FRAS1: variants seen among roughly 807,000 people sequenced by gnomAD.
FRAS1 encodes Fraser extracellular matrix complex subunit 1, also known as extracellular matrix organizing protein FRAS1.
Under a neutral mutation model 435.2 loss-of-function variants are expected in FRAS1, and 290 were observed. The observed-to-expected ratio is 0.67, with a 90% CI of 0.61 to 0.73. The LOEUF (loss-of-function observed/expected upper bound fraction) is 0.73. Ranked by LOEUF, FRAS1 falls within the 30% of genes least tolerant of loss-of-function variation. The pLI is 0.00. For missense variants in FRAS1, 4,860 were observed against 5,001.5 expected, an observed-to-expected ratio of 0.97 and a Z score of 0.85; for synonymous variants, 1,800 against 1,851.0, an observed-to-expected ratio of 0.97 and a Z score of 0.71.
intron 35 of FRAS1, among the ~76,000 whole-genome samples, chr4:78,426,880 C>A (rs1198287044): frequency 1.3e-5 from 2 of 152,184 alleles, no homozygotes; most frequent in African/African-American, 4.8e-5. Context: ...CAGAAAATAG[C>A]TTTTTTCCAC....
intron 12 of FRAS1, among the ~76,000 whole-genome samples, chr4:78,284,164 G>A (rs1727463126): frequency 6.6e-6 from 1 of 150,826 alleles, no homozygotes; most frequent in Non-Finnish European, 1.5e-5. Context: ...TTCATGCTGG[G>A]GCTATGGGAG....
At chr4:78,398,701 T>C (rs929696885) in intron 29 of FRAS1, among the ~76,000 whole-genome samples, 2 of 152,170 alleles carry the variant, frequency 1.3e-5, no homozygotes, top group African/African-American at 4.8e-5. Context: ...TTAAGAAACC[T>C]GGGCCGGGCA....
At chr4:78,289,535 G>T (rs1727783984) in intron 14 of FRAS1, among the ~76,000 whole-genome samples, 1 of 151,992 alleles carries the variant, frequency 6.6e-6, no homozygotes, top group South Asian at 2.1e-4. Flanking sequence ...AGCAGGTAGG[G>T]CCATAGAGTG....
intron 2 of FRAS1, among the ~76,000 whole-genome samples, chr4:78,159,933 C>G (rs943942490): frequency 1.3e-5 from 2 of 152,078 alleles, no homozygotes; most frequent in South Asian, 4.1e-4. Context: ...CACGATTATT[C>G]CTATATCTTA....
At chr4:78,207,589 C>T (rs1723316561) in intron 2 of FRAS1, among the ~76,000 whole-genome samples, 1 of 152,144 alleles carries the variant, frequency 6.6e-6, no homozygotes, top group African/African-American at 2.4e-5. Flanking sequence ...ATAATCCTCC[C>T]AGTCATCTGT....
At chr4:78,083,168 G>A (rs186444551) in intron 2 of FRAS1, among the ~76,000 whole-genome samples, 2 of 152,052 alleles carry the variant, frequency 1.3e-5, no homozygotes, top group Admixed American at 1.3e-4. Context: ...ATGCTGCAGG[G>A]GTATGGTGCT....
intron 70 of FRAS1, among the ~76,000 whole-genome samples, chr4:78,529,662 A>G (rs1181509198): frequency 2.0e-5 from 3 of 152,188 alleles, no homozygotes; most frequent in African/African-American, 7.2e-5. Context: ...ACCACACATA[A>G]TACCAAACCC....
chr4:78,267,718 TA>T (rs1726438159), intron 9 of FRAS1, among the ~76,000 whole-genome samples: 1 of 152,186 alleles, frequency 6.6e-6, no homozygotes. Context: ...TATGGGACAT[TA>T]GCCTATCAGG....
At chr4:78,528,537 C>T (rs1358802380) in intron 70 of FRAS1, among the ~76,000 whole-genome samples, 4 of 152,082 alleles carry the variant, frequency 2.6e-5, no homozygotes, top group Non-Finnish European at 4.4e-5. Flanking sequence ...CTCTCTCTGG[C>T]TCATCGCACT....
chr4:78,313,542 A>G (rs1729119689), intron 15 of FRAS1, among the ~76,000 whole-genome samples: 1 of 152,184 alleles, frequency 6.6e-6, no homozygotes, highest in South Asian at 2.1e-4. Flanking sequence ...TTAGCCAACC[A>G]GCATAGAAAA....
chr4:78,285,384 G>A (rs1727537877), intron 13 of FRAS1, among the ~76,000 whole-genome samples: 1 of 150,868 alleles, frequency 6.6e-6, no homozygotes, highest in South Asian at 2.1e-4. Context: ...AAAAAAGTGT[G>A]TAGGTTCATA....
intron 67 of FRAS1, among the ~76,000 whole-genome samples, chr4:78,520,256 GTTT>G (rs3028431): frequency 9.8e-5 from 14 of 143,456 alleles, no homozygotes; most frequent in Admixed American, 1.4e-4. Context: ...TGTTTTTCTT[GTTT>G]TTTTTTTTTT....
At chr4:78,245,420 C>A in intron 4 of FRAS1, 95 bp downstream of exon 4, 1 of 881,842 alleles carries the variant, frequency 1.1e-6, no homozygotes, top group Non-Finnish European at 1.8e-6. Flanking sequence ...GAGTTTTTTT[C>A]TTTGCCTGGA....
At chr4:78,290,523 C>G (rs1354471820) in intron 14 of FRAS1, among the ~76,000 whole-genome samples, 1 of 151,380 alleles carries the variant, frequency 6.6e-6, no homozygotes, top group East Asian at 1.9e-4. Context: ...GTGGCACAAT[C>G]TCAGCTCACT....
chr4:78,103,867 G>A (rs545395805), intron 2 of FRAS1, among the ~76,000 whole-genome samples: 10 of 152,208 alleles, frequency 6.6e-5, no homozygotes, highest in Non-Finnish European at 1.2e-4. Context: ...TTGTTATAGC[G>A]GCCTAAATGG....
chr4:78,276,511 G>A (rs62310023), intron 9 of FRAS1, among the ~76,000 whole-genome samples: 42,752 of 152,138 alleles, frequency 0.28, 6,858 homozygotes, highest in East Asian at 0.38. Context: ...TGTCCTTTGC[G>A]TTTATTAGTT....
intron 51 of FRAS1, among the ~76,000 whole-genome samples, chr4:78,471,137 T>C (rs1241740159): frequency 6.6e-6 from 1 of 152,166 alleles, no homozygotes; most frequent in African/African-American, 2.4e-5. Context: ...TTTCTCCTAA[T>C]TTCGAAATTG....
intron 63 of FRAS1, among the ~76,000 whole-genome samples, chr4:78,510,923 C>T (rs1439336023): frequency 6.6e-6 from 1 of 152,176 alleles, no homozygotes; most frequent in African/African-American, 2.4e-5. Flanking sequence ...ATTTGGAGGC[C>T]AACCAGTCTT....
intron 2 of FRAS1, among the ~76,000 whole-genome samples, chr4:78,068,287 A>C (rs555929026): frequency 1.8e-4 from 28 of 152,242 alleles, no homozygotes; most frequent in African/African-American, 6.5e-4. Context: ...GAAGGTGGCT[A>C]CTTTAGATAG....
Sources: gnomAD v4.1 joint callset for allele counts (sites outside exome capture counted in the v4.1 genomes callset) on GRCh38, gnomAD v4.1.1 for gene constraint, MANE v1.5 for transcripts, NCBI Gene and HGNC (gene_info 2026-07-23, HGNC 2026-07-21) for gene names.